Variants in LRRC7 observed in about 807,000 individuals in gnomAD.
The protein encoded by LRRC7 is leucine rich repeat containing 7.
A neutral mutation model predicts 175.7 loss-of-function variants in LRRC7; 23 were observed. The ratio of observed to expected loss-of-function variants is 0.13; its 90% CI spans 0.09 to 0.19. LRRC7 has a LOEUF of 0.19. Ranked by LOEUF, LRRC7 falls within the 10% of genes least tolerant of loss-of-function variation. The probability of loss-of-function intolerance (pLI) is 1.00; values close to 1 mark genes in which losing one functional copy is unlikely to be tolerated. For missense variants in LRRC7, 1,354 were observed against 1,904.7 expected (o/e 0.71, Z 5.38); for synonymous variants, 685 against 680.9 (o/e 1.01, Z -0.09).
intron 11 of LRRC7, among the ~76,000 whole-genome samples, chr1:70,005,312 G>C (rs929017357): frequency 3.3e-5 from 5 of 152,164 alleles, no homozygotes; most frequent in African/African-American, 1.2e-4. Context: ...AGAAGGTGAA[G>C]CCCAAAGCCA....
At chr1:70,005,178 CAG>C (rs1382712043) in intron 11 of LRRC7, among the ~76,000 whole-genome samples, 5 of 152,080 alleles carry the variant, frequency 3.3e-5, no homozygotes, top group Admixed American at 1.3e-4. Flanking sequence ...GGTGAGAAAA[CAG>C]GGGTTAATAG....
At chr1:69,742,244 C>T (rs1411876183) in intron 2 of LRRC7, among the ~76,000 whole-genome samples, 1 of 151,816 alleles carries the variant, frequency 6.6e-6, no homozygotes, top group Non-Finnish European at 1.5e-5. Context: ...ATATGAAAAA[C>T]TAAATATCAA....
intron 9 of LRRC7, among the ~76,000 whole-genome samples, 194 bp from the exon 10 acceptor site, chr1:69,986,048 T>C (rs908667260): frequency 1.3e-5 from 2 of 152,232 alleles, no homozygotes; most frequent in Admixed American, 1.3e-4. Flanking sequence ...GCCAAACAGT[T>C]CTTCAAAGTG....
At chr1:69,856,094 G>A (rs1053390521) in intron 7 of LRRC7, among the ~76,000 whole-genome samples, 1 of 152,112 alleles carries the variant, frequency 6.6e-6, no homozygotes, top group African/African-American at 2.4e-5. Flanking sequence ...GCCAGTCTGT[G>A]TCTTTTAATT....
At chr1:69,579,428 A>G (rs945656480) in intron 1 of LRRC7, among the ~76,000 whole-genome samples, 4 of 152,132 alleles carry the variant, frequency 2.6e-5, no homozygotes, top group African/African-American at 9.7e-5. Context: ...AGGTCACTTT[A>G]TATTGGTATT....
intron 1 of LRRC7, among the ~76,000 whole-genome samples, chr1:69,575,747 T>C (rs1245067): frequency 0.13 from 19,802 of 152,172 alleles, 1,635 homozygotes; most frequent in Admixed American, 0.18. Flanking sequence ...AAATAAATTA[T>C]CTTCTAAATT....
At chr1:69,764,003 C>T (rs1212377332) in intron 3 of LRRC7, among the ~76,000 whole-genome samples, 2 of 151,492 alleles carry the variant, frequency 1.3e-5, no homozygotes, top group Non-Finnish European at 2.9e-5. Flanking sequence ...GGGTAGAGAA[C>T]AAAAAGTCAA....
intron 21 of LRRC7, among the ~76,000 whole-genome samples, chr1:70,043,151 A>G (rs1660057111): frequency 6.6e-6 from 1 of 152,294 alleles, no homozygotes; most frequent in Non-Finnish European, 1.5e-5. Context: ...AAAGTTTTAT[A>G]GGAAAAAAAT....
chr1:69,744,001 A>G (rs1668996762), intron 2 of LRRC7, among the ~76,000 whole-genome samples: 1 of 151,672 alleles, frequency 6.6e-6, no homozygotes. Context: ...ACTATCCTCT[A>G]CCCAATTCTG....
chr1:69,705,081 T>C (rs981351174), intron 2 of LRRC7, among the ~76,000 whole-genome samples: 3 of 152,150 alleles, frequency 2.0e-5, no homozygotes, highest in Non-Finnish European at 4.4e-5. Flanking sequence ...AATTTCTAAT[T>C]TGTAAACTTT....
chr1:69,897,075 T>A (rs145654991), intron 7 of LRRC7, among the ~76,000 whole-genome samples: 5 of 152,300 alleles, frequency 3.3e-5, no homozygotes, highest in South Asian at 2.1e-4. Context: ...ATGTACTCTG[T>A]TTAAGCACTG....
chr1:70,036,361 G>A (rs1176690422), intron 19 of LRRC7, 83 bp from the exon 20 acceptor site: 5 of 1,440,678 alleles, frequency 3.5e-6, no homozygotes, highest in African/African-American at 1.4e-5. Context: ...ACCTTAATCG[G>A]TATGGTTTCC....
chr1:69,675,994 CAT>C lies in LRRC7; in HGVS notation c.3-2384_3-2383del, dbSNP rs200155606. ...TATACTTTACAAACATAGGGATAGG[CAT>C]ATGAGTGCATGCACACACACACACA... On this transcript the variant is annotated intron_variant, in intron 1 of 26. Transcript: ENST00000651989. Among the ~76,000 whole-genome samples the C allele has an allele frequency of 3.2e-3, 428 of 132,642 alleles. 7 individuals carry two copies. The East Asian group carries it at 0.074, about 23-fold the overall frequency. The allele number at this position is 132,642 out of a possible 152,430, so 87.0% of individuals were successfully genotyped here. A position where few individuals can be genotyped will look rare whatever the true frequency, so the allele number is the denominator to read the frequency against.
At chr1:69,717,420 AT>A (rs1195115921) in intron 2 of LRRC7, among the ~76,000 whole-genome samples, 1 of 151,932 alleles carries the variant, frequency 6.6e-6, no homozygotes, top group East Asian at 1.9e-4. Flanking sequence ...TCTATCATAT[AT>A]TTATACAATT....
chr1:69,887,024 G>A (rs1220468015), intron 7 of LRRC7, among the ~76,000 whole-genome samples: 2 of 151,216 alleles, frequency 1.3e-5, no homozygotes, highest in African/African-American at 2.4e-5. Context: ...TGGGTAACCC[G>A]ACCTTTCTCT....
chr1:69,685,350 C>T (rs1431269890), intron 2 of LRRC7, among the ~76,000 whole-genome samples: 2 of 147,564 alleles, frequency 1.4e-5, no homozygotes, highest in African/African-American at 4.9e-5. Context: ...TACCATGAAC[C>T]AGAAAAACCA....
At chr1:69,807,705 A>C (rs913828690) in intron 4 of LRRC7, among the ~76,000 whole-genome samples, 3 of 151,902 alleles carry the variant, frequency 2.0e-5, no homozygotes, top group Non-Finnish European at 4.4e-5. Flanking sequence ...GGTAACCCGA[A>C]CTTTCTCTCT....
At chr1:69,958,527 A>G (rs1031007616) in intron 8 of LRRC7, among the ~76,000 whole-genome samples, 4 of 152,016 alleles carry the variant, frequency 2.6e-5, no homozygotes, top group African/African-American at 9.7e-5. Context: ...TAATCATGGA[A>G]GAAACCAAGG....
At position 70,130,535 on chromosome 1, in the gene LRRC7, TC is replaced by T. The variant is rs972088005; in HGVS notation, c.*8649del. Among the ~76,000 whole-genome samples, 1 of 152,236 alleles carries T rather than the reference TC, an allele frequency of 6.6e-6. No homozygotes were observed. The highest frequency in any genetic ancestry group is 2.4e-5 in the African/African-American group (1 of 41,468). On this transcript the variant is annotated 3_prime_UTR_variant, in exon 27 of 27. Transcript: ENST00000651989. ...TCTTCCTCCTCTCTTCAGCATTTTT[TC>T]TAAGACATTTTTGGTCTTTTCTGCT...
Sources: allele counts gnomAD v4.1 joint callset (sites outside exome capture counted in the v4.1 genomes callset), GRCh38; gene constraint gnomAD v4.1.1; transcripts MANE v1.5; gene names NCBI Gene and HGNC (gene_info 2026-07-23, HGNC 2026-07-21).